PRDM16: variants seen among roughly 807,000 people sequenced by gnomAD.
PRDM16 encodes the protein histone-lysine N-methyltransferase PRDM16.
In PRDM16, 23 loss-of-function variants were observed where a neutral mutation model predicts 110.6. That is an observed-to-expected ratio of 0.21 (90% CI 0.15 to 0.29). PRDM16 has a LOEUF of 0.29. PRDM16 is among the 10% of genes least tolerant of loss of function. The pLI is 1.00. For synonymous variants in PRDM16, 799 were observed against 781.8 expected, an observed-to-expected ratio of 1.02 and a Z score of -0.37; for missense variants, 1,615 against 1,794.3, an observed-to-expected ratio of 0.90 and a Z score of 1.81.
intron 12 of PRDM16, among the ~76,000 whole-genome samples, chr1:3,424,538 G>C (rs1638537305): frequency 6.6e-6 from 1 of 152,256 alleles, no homozygotes; most frequent in Non-Finnish European, 1.5e-5. Flanking sequence ...ACTTCCCCAC[G>C]TGCACGGTGC....
chr1:3,206,327 C>G lies in PRDM16; in HGVS notation c.387+19853C>G, dbSNP rs1453205091. On this transcript the variant is annotated intron_variant, in intron 2 of 16. Coordinates refer to ENST00000270722, the MANE Select transcript of PRDM16 (RefSeq NM_022114.4). The surrounding 1 kb of genome is among the most constrained non-coding windows in gnomAD (Gnocchi z 4.9). ...CCACGCCCTTGGGGATGAGCAAGCTCTCGTGTATTTGCTGTGTGTGCAACA... is the reference window on the plus strand; with the variant it reads ...CCACGCCCTTGGGGATGAGCAAGCTGTCGTGTATTTGCTGTGTGTGCAACA... The G allele has an allele frequency of 6.6e-6, 1 of 152,298 alleles. No individual in the cohort carries two copies. The highest frequency in any genetic ancestry group is 1.5e-5 in the Non-Finnish European group (1 of 68,108). 9.4% of individuals were successfully genotyped at this position (152,298 alleles called of 1,614,324 possible). A position where few individuals can be genotyped will look rare whatever the true frequency, so the allele number is the denominator to read the frequency against.
In PRDM16 at chr1:3,436,969, C is replaced by T. The variant is rs1179753739; in HGVS notation, c.*3158C>T. On this transcript the variant is annotated 3_prime_UTR_variant, in exon 17 of 17. Transcript: ENST00000270722. ...ACCTGCCCTCCGCTGCTCCTCAGACCCCAGCCCCCAGCGAGCCGACGTCCC... is the reference window on the plus strand; with the variant it reads ...ACCTGCCCTCCGCTGCTCCTCAGACTCCAGCCCCCAGCGAGCCGACGTCCC... 4.3e-6 allele frequency: 1 copy of T among 233,190 alleles called. No individual in the cohort carries two copies. The highest frequency in any genetic ancestry group is 8.5e-6 in the Non-Finnish European group (1 of 118,090). 14.4% of individuals were successfully genotyped at this position (233,190 alleles called of 1,614,324 possible). A position where few individuals can be genotyped will look rare whatever the true frequency, so the allele number is the denominator to read the frequency against.
At chr1:3,222,652 C>A (rs757555329) in intron 2 of PRDM16, among the ~76,000 whole-genome samples, 6 of 152,216 alleles carry the variant, frequency 3.9e-5, no homozygotes, top group Non-Finnish European at 7.3e-5. Context: ...TAGGCCCAGC[C>A]CACACCCCAA....
intron 3 of PRDM16, among the ~76,000 whole-genome samples, chr1:3,266,228 C>A (rs1640285784): frequency 6.6e-6 from 1 of 152,286 alleles, no homozygotes; most frequent in East Asian, 1.9e-4. Flanking sequence ...CAACGCTGGC[C>A]CTCTGACATC....
rs57795441 is a variant in PRDM16 at position 3,148,023 on chromosome 1, T to TTTTGAGG, written c.38-38102_38-38101insTTTGAGG. Among the ~76,000 whole-genome samples the TTTTGAGG allele has an allele frequency of 0.2, 31,050 of 151,766 alleles. 6,552 individuals are homozygous for TTTTGAGG. Among genetic ancestry groups the TTTTGAGG allele is most frequent in the East Asian group, 0.54 (2,752 of 5,094 alleles). On this transcript the variant is annotated intron_variant, in intron 1 of 16. Transcript: ENST00000270722. This position sits in a 1 kb window ranked among gnomAD's most constrained non-coding sequence, Gnocchi z 5.0. ...GGCAAACCCCATCCTGCTGCTCACC[T>TTTTGAGG]GCAACTTGGGAATACCGAGATGCAT...
chr1:3,207,834 A>C (rs1638789066), intron 2 of PRDM16: 1 of 152,284 alleles, frequency 6.6e-6, no homozygotes, highest in Non-Finnish European at 1.5e-5. Flanking sequence ...GCTGTCTCTC[A>C]CCAAGGCTGT....
At chr1:3,380,331 G>A (rs1030407578) in intron 3 of PRDM16, among the ~76,000 whole-genome samples, 1 of 152,030 alleles carries the variant, frequency 6.6e-6, no homozygotes, top group Non-Finnish European at 1.5e-5. Context: ...CCACCAGGCA[G>A]AGGGGAAGCT....
At chr1:3,107,858 C>G (rs373316921) in intron 1 of PRDM16, among the ~76,000 whole-genome samples, 1 of 152,276 alleles carries the variant, frequency 6.6e-6, no homozygotes, top group Non-Finnish European at 1.5e-5. Context: ...AGCTCTGGGC[C>G]TCAATGACCA....
rs1004878254 is a variant in PRDM16 at position 3,358,497 on chromosome 1, G to A, written c.439-26655G>A. Reference sequence around the variant, plus strand: ...GCCCCAGACTCCCAGCCGCGGCTTCGGATGCAGCTGGAATAAGGTTCCAGT... The same window carrying A: ...GCCCCAGACTCCCAGCCGCGGCTTCAGATGCAGCTGGAATAAGGTTCCAGT... On this transcript the variant is annotated intron_variant, in intron 3 of 16. Transcript: ENST00000270722. The surrounding 1 kb of genome is among the most constrained non-coding windows in gnomAD (Gnocchi z 4.0). Among the ~76,000 whole-genome samples the A allele has an allele frequency of 1.7e-4, 26 of 152,248 alleles. No individual in the cohort carries two copies. Among genetic ancestry groups the A allele is most frequent in the Admixed American group, 1.3e-3 (20 of 15,300 alleles).
chr1:3,298,897 G>A lies in PRDM16; in HGVS notation c.438+54760G>A, dbSNP rs553812440. ...TGCTGTAAGTCCCTTCCGTAGCTCC[G>A]ATGAGCCTGGTCCCAGCAGAGTGCT... is the stretch of plus-strand genomic sequence containing the variant. On this transcript the variant is annotated intron_variant, in intron 3 of 16. Transcript: ENST00000270722. Among the ~76,000 whole-genome samples, 281 of 152,298 alleles carry A rather than the reference G, an allele frequency of 1.8e-3. 1 individual carries two copies. The highest frequency in any genetic ancestry group is 2.7e-3 in the Non-Finnish European group (185 of 68,030).
At position 3,121,832 on chromosome 1, in the gene PRDM16, A is replaced by C. The variant is rs529160582; in HGVS notation, c.37+52536A>C. Among the ~76,000 whole-genome samples the C allele has an allele frequency of 4.2e-3, 641 of 152,104 alleles. 24 individuals carry two copies. Among genetic ancestry groups the C allele is most frequent in the Admixed American group, 0.037 (561 of 15,294 alleles). The stretch of plus-strand genomic sequence containing the variant: ...CTCCCCAGGCGGCTGGGGACCCCGG[A>C]ATGTGTGGCCCTGGCGGGAAGTGGA... On this transcript the variant is annotated intron_variant, in intron 1 of 16. Coordinates refer to ENST00000270722, the MANE Select transcript of PRDM16 (RefSeq NM_022114.4).
chr1:3,151,042 C>CG (rs1407455367), intron 1 of PRDM16, among the ~76,000 whole-genome samples: 7 of 150,936 alleles, frequency 4.6e-5, no homozygotes. Flanking sequence ...CTATGGAAGC[C>CG]GGGGGCTGGT....
Position 3,410,426 on chromosome 1 carries a change from T to G in PRDM16, c.1187-958T>G, listed in dbSNP as rs529307927. Among the ~76,000 whole-genome samples the G allele has an allele frequency of 5.3e-5, 8 of 152,262 alleles. No homozygotes were observed. The South Asian group carries it at 1.5e-3, about 28-fold the overall frequency. On this transcript the variant is annotated intron_variant, in intron 8 of 16. Transcript: ENST00000270722. ...GGTTCCCAGTAGTAGGATTTTCACT[T>G]TTCTCAAGCAGGGAATAGTCCCTCT...
chr1:3,177,103 G>A (rs1322015476), intron 1 of PRDM16, among the ~76,000 whole-genome samples: 4 of 151,706 alleles, frequency 2.6e-5, no homozygotes, highest in Admixed American at 2.6e-4. Context: ...ACTTATCTAT[G>A]TATTCATCCA....
At chr1:3,289,312 T>C (rs1446015073) in intron 3 of PRDM16, among the ~76,000 whole-genome samples, 1 of 152,174 alleles carries the variant, frequency 6.6e-6, no homozygotes, top group Non-Finnish European at 1.5e-5. Flanking sequence ...GGGGGTCAGC[T>C]TGGAAATCTG....
At chr1:3,070,354 C>T (rs1641719615) in intron 1 of PRDM16, among the ~76,000 whole-genome samples, 1 of 148,042 alleles carries the variant, frequency 6.8e-6, no homozygotes, top group African/African-American at 2.4e-5. Flanking sequence ...GCGCGCACCC[C>T]GCAGCCCCGG....
chr1:3,242,367 C>G (rs1639692478), intron 2 of PRDM16, among the ~76,000 whole-genome samples: 1 of 152,216 alleles, frequency 6.6e-6, no homozygotes, highest in Admixed American at 6.5e-5. Context: ...AGTTTCTCTG[C>G]CCGGGGCGGC....
intron 2 of PRDM16, among the ~76,000 whole-genome samples, chr1:3,237,069 C>T (rs964443966): frequency 3.3e-5 from 5 of 152,154 alleles, no homozygotes; most frequent in Admixed American, 1.3e-4. Context: ...CATGCTCCTC[C>T]GAGCAGACAT....
intron 3 of PRDM16, among the ~76,000 whole-genome samples, chr1:3,249,796 G>A (rs1327882112): frequency 2.6e-5 from 4 of 152,166 alleles, no homozygotes; most frequent in Non-Finnish European, 5.9e-5. Flanking sequence ...ATTGTCCCAG[G>A]GTTGCTGATA....
Sources: allele counts gnomAD v4.1 joint callset (sites outside exome capture counted in the v4.1 genomes callset), GRCh38; gene constraint gnomAD v4.1.1; non-coding constraint Gnocchi (gnomAD v3.1); transcripts MANE v1.5; gene names NCBI Gene and HGNC (gene_info 2026-07-23, HGNC 2026-07-21).